FGD4: variants seen among roughly 807,000 people sequenced by gnomAD.
The protein encoded by FGD4 is FYVE, RhoGEF and PH domain-containing protein 4.
Under a neutral mutation model 102.0 loss-of-function variants are expected in FGD4, and 42 were observed. The observed-to-expected ratio is 0.41, with a 90% CI of 0.32 to 0.53. The LOEUF (loss-of-function observed/expected upper bound fraction) is 0.53, where lower values mean the gene tolerates loss of function less well. Among genes scored for constraint, FGD4 ranks in the 20% least tolerant of loss-of-function variants. The probability of loss-of-function intolerance (pLI) is 0.21; values close to 1 mark genes in which losing one functional copy is unlikely to be tolerated. For missense variants in FGD4, 902 were observed against 1,078.2 expected (o/e 0.84, Z 2.29); for synonymous variants, 380 against 375.7 (o/e 1.01, Z -0.13).
chr12:32,485,981 T>C (rs1319218660), intron 1 of FGD4: 38 of 1,343,292 alleles, frequency 2.8e-5, no homozygotes, highest in Non-Finnish European at 3.4e-5. Context: ...TAGTTAGTTC[T>C]TTATCATGTT....
At chr12:32,587,062 G>A (rs998513052) in intron 4 of FGD4, among the ~76,000 whole-genome samples, 3 of 151,842 alleles carry the variant, frequency 2.0e-5, no homozygotes, top group African/African-American at 7.3e-5. Context: ...GCAGTAGCAA[G>A]CACCTGTAGT....
chr12:32,497,688 A>G (rs959318912), intron 1 of FGD4, among the ~76,000 whole-genome samples: 1 of 152,212 alleles, frequency 6.6e-6, no homozygotes, highest in Non-Finnish European at 1.5e-5. Context: ...AAGTAAAACC[A>G]GTAGCAGAGC....
intron 15 of FGD4, among the ~76,000 whole-genome samples, chr12:32,635,124 T>C (rs1252213907): frequency 6.6e-6 from 1 of 152,176 alleles, no homozygotes; most frequent in East Asian, 1.9e-4. Flanking sequence ...AACTTCAAGG[T>C]CCATTTGAGG....
chr12:32,547,492 G>T (rs1163626192), intron 1 of FGD4, among the ~76,000 whole-genome samples: 1 of 152,144 alleles, frequency 6.6e-6, no homozygotes, highest in Non-Finnish European at 1.5e-5. Flanking sequence ...TTAATCATCT[G>T]TATAATGGAC....
intron 15 of FGD4, among the ~76,000 whole-genome samples, chr12:32,634,048 ATTTC>A (rs1359847557): frequency 6.6e-6 from 1 of 152,152 alleles, no homozygotes; most frequent in Non-Finnish European, 1.5e-5. Context: ...TATCTTTGTT[ATTTC>A]TTTGAGTGTT....
intron 1 of FGD4, among the ~76,000 whole-genome samples, chr12:32,433,056 G>A (rs911506661): frequency 6.6e-6 from 1 of 151,774 alleles, no homozygotes; most frequent in East Asian, 1.9e-4. Context: ...GAGTACAGTG[G>A]CACAATCTTA....
At chr12:32,518,126 G>C (rs1038959609) in intron 1 of FGD4, among the ~76,000 whole-genome samples, 1 of 152,146 alleles carries the variant, frequency 6.6e-6, no homozygotes, top group Non-Finnish European at 1.5e-5. Context: ...CAAGATTCTT[G>C]TGAAAGACTA....
chr12:32,399,909 G>A lies in FGD4; in HGVS notation c.116G>A (p.Gly39Glu), dbSNP rs1940576070. 2 of 1,521,790 alleles carry A rather than the reference G, an allele frequency of 1.3e-6. No homozygotes were observed. 94.3% of individuals were successfully genotyped at this position (1,521,790 alleles called of 1,614,324 possible). The change falls in exon 1 of 17, where the codon GGA (glycine) becomes GAA (glutamate). Residue 39 changes from glycine to glutamate, a missense_variant. Physicochemically the swap from Gly to Glu is moderately conservative, Grantham distance 98. This residue lies in a region of FGD4 where 443 missense variants were observed against 459.2 expected (regional missense o/e 0.96). Coordinates refer to ENST00000534526, the MANE Select transcript of FGD4 (RefSeq NM_001370298.3). The part of the protein sequence containing the change: ...RPWSRPASHL[G>E]RVGTAAFKGQ... ...TGGAGCAGGCCCGCGTCGCACCTGG[G>A]ACGTGTAGGGACCGCTGCCTTCAAG...
At chr12:32,577,860 G>T (rs978205592) in intron 3 of FGD4, among the ~76,000 whole-genome samples, 3 of 152,142 alleles carry the variant, frequency 2.0e-5, no homozygotes, top group African/African-American at 7.2e-5. Flanking sequence ...AGGGGCTGGA[G>T]CCCTGATCCC....
At chr12:32,640,110 G>C (rs1433696641) in intron 16 of FGD4, among the ~76,000 whole-genome samples, 166 bp from the exon 17 acceptor site, 2 of 152,136 alleles carry the variant, frequency 1.3e-5, no homozygotes, top group South Asian at 2.1e-4. Context: ...GTGGCCTCAC[G>C]TACAGGCTCT....
intron 1 of FGD4, among the ~76,000 whole-genome samples, chr12:32,445,227 T>A (rs1447363912): frequency 6.6e-6 from 1 of 152,214 alleles, no homozygotes; most frequent in Admixed American, 6.5e-5. Context: ...GAAATCTCAG[T>A]CTGGCTAGTC....
intron 1 of FGD4, among the ~76,000 whole-genome samples, chr12:32,411,782 C>G (rs745540905): frequency 8.5e-5 from 13 of 152,138 alleles, no homozygotes; most frequent in Non-Finnish European, 1.6e-4. Context: ...CTAGACCAGC[C>G]TGACCAACAT....
chr12:32,620,632 T>A (rs1446854014), intron 11 of FGD4, among the ~76,000 whole-genome samples: 1 of 149,454 alleles, frequency 6.7e-6, no homozygotes, highest in Non-Finnish European at 1.5e-5. Flanking sequence ...GTTCAAGCTA[T>A]TCTCCTGGCT....
intron 1 of FGD4, among the ~76,000 whole-genome samples, chr12:32,470,576 C>T (rs902716557): frequency 6.6e-6 from 1 of 150,588 alleles, no homozygotes; most frequent in African/African-American, 2.5e-5. Flanking sequence ...GCTTCAGCCT[C>T]CCTAGTAGCT....
chr12:32,522,295 A>G (rs1287713987), intron 1 of FGD4, among the ~76,000 whole-genome samples: 1 of 152,184 alleles, frequency 6.6e-6, no homozygotes, highest in East Asian at 1.9e-4. Context: ...GATTTGCAAA[A>G]GACAGGAAGA....
At chr12:32,405,328 C>T (rs182278471) in intron 1 of FGD4, among the ~76,000 whole-genome samples, 6 of 144,346 alleles carry the variant, frequency 4.2e-5, no homozygotes, top group African/African-American at 1.3e-4. Flanking sequence ...GGAGTGAACT[C>T]GGCTCACCAC....
rs373614323 is a variant in FGD4 at position 32,632,968 on chromosome 12, G to T, written c.2173-581G>T. Among the ~76,000 whole-genome samples, 7 of 152,194 alleles carry T rather than the reference G, an allele frequency of 4.6e-5. 1 individual carries two copies. In the South Asian group the frequency reaches 1.5e-3, roughly 32 times the overall value. ...TGTAAACCAGTAAGAATGCTACAAG[G>T]ACCAGTCACAAGCCTAGAAAAGAAG... On this transcript the variant is annotated intron_variant, in intron 14 of 16. Transcript: ENST00000534526.
rs938242980 is a variant in FGD4, at chr12:32,611,382, G to A, written c.1749+99G>A. On this transcript the variant is annotated intron_variant, in intron 10 of 16. Transcript: ENST00000534526. Reference sequence around the variant, plus strand: ...TGTAATCCCAGCACTTTGGGAGGCCGAGGCGAGTGGATCTCCTGAGGTCAG... The same window carrying A: ...TGTAATCCCAGCACTTTGGGAGGCCAAGGCGAGTGGATCTCCTGAGGTCAG... 8.8e-6 allele frequency: 12 copies of A among 1,358,450 alleles called. No homozygotes were observed. The East Asian group carries it at 9.7e-5, about 11-fold the overall frequency. The allele number at this position is 1,358,450 out of a possible 1,614,324, so 84.1% of individuals were successfully genotyped here.
rs896056174 is a variant in FGD4, at chr12:32,409,282, C to CT, written c.166+9331dup. 9.6e-5 allele frequency among the ~76,000 whole-genome samples: 11 copies of CT among 114,840 alleles called. 1 individual carries two copies. In the Middle Eastern group the frequency reaches 0.03, roughly 315 times the overall value. The allele number at this position is 114,840 out of a possible 152,430, so 75.3% of individuals were successfully genotyped here. ...CTCTTTCCTCCCCCCAGTAATTTTT[C>CT]TTTTTTTTCTTTTTTTTTTTTTTGA... On this transcript the variant is annotated intron_variant, in intron 1 of 16. Transcript: ENST00000534526.
Sources: allele counts gnomAD v4.1 joint callset (sites outside exome capture counted in the v4.1 genomes callset), GRCh38; gene constraint gnomAD v4.1.1; regional missense constraint gnomAD v4.1.1; transcripts MANE v1.5; gene names NCBI Gene and HGNC (gene_info 2026-07-23, HGNC 2026-07-21).